Variants in ABI2 observed in about 807,000 individuals in gnomAD.
The protein encoded by ABI2 is abl interactor 2.
Under a neutral mutation model 59.2 loss-of-function variants are expected in ABI2, and 25 were observed. That is an observed-to-expected ratio of 0.42 (90% CI 0.31 to 0.59). ABI2 has a LOEUF of 0.59. Among genes scored for constraint, ABI2 ranks in the 20% least tolerant of loss-of-function variants. The probability of loss-of-function intolerance (pLI) is 0.14; values close to 1 mark genes in which losing one functional copy is unlikely to be tolerated. For missense variants in ABI2, 545 were observed against 681.8 expected (o/e 0.80, Z 2.23); for synonymous variants, 213 against 235.5 (o/e 0.90, Z 0.87).
chr2:203,344,630 T>C (rs2082082550), intron 1 of ABI2, among the ~76,000 whole-genome samples: 1 of 152,120 alleles, frequency 6.6e-6, no homozygotes, highest in East Asian at 1.9e-4. Context: ...TGGCATGATC[T>C]TTAGAGGTGA....
chr2:203,409,674 T>C (rs192210946), intron 9 of ABI2, among the ~76,000 whole-genome samples: 2 of 152,340 alleles, frequency 1.3e-5, no homozygotes, highest in Admixed American at 6.5e-5. Context: ...TTCTCTCCTT[T>C]TCTAGAAACT....
At chr2:203,417,461 A>G (rs2097947549) in intron 11 of ABI2, among the ~76,000 whole-genome samples, 1 of 152,260 alleles carries the variant, frequency 6.6e-6, no homozygotes, top group African/African-American at 2.4e-5. Context: ...ATGTCTCCAC[A>G]TGAAACTTTC....
chr2:203,358,111 G>T (rs867133243), intron 1 of ABI2, among the ~76,000 whole-genome samples: 16 of 109,344 alleles, frequency 1.5e-4, no homozygotes, highest in East Asian at 6.2e-4. Context: ...GTGTGTGTGT[G>T]TGTTTGTTTG....
intron 1 of ABI2, among the ~76,000 whole-genome samples, chr2:203,353,519 G>A (rs549976303): frequency 5.3e-5 from 8 of 152,130 alleles, no homozygotes; most frequent in East Asian, 1.9e-4. Flanking sequence ...TCGCTCTGTC[G>A]CCCAGACTGG....
intron 1 of ABI2, among the ~76,000 whole-genome samples, chr2:203,349,852 A>G (rs958448282): frequency 6.6e-6 from 1 of 152,118 alleles, no homozygotes; most frequent in African/African-American, 2.4e-5. Flanking sequence ...ATAACGTTAT[A>G]AATATTCATG....
intron 2 of ABI2, among the ~76,000 whole-genome samples, chr2:203,372,431 A>G (rs1206396903): frequency 1.1e-4 from 17 of 152,288 alleles, no homozygotes; most frequent in East Asian, 5.8e-4. Context: ...CCCGTTCTCA[A>G]TGAGCTGTTG....
intron 4 of ABI2, 73 bp downstream of exon 4, chr2:203,382,279 T>TCTC: frequency 2.4e-6 from 3 of 1,275,552 alleles, no homozygotes; most frequent in Non-Finnish European, 3.2e-6. Flanking sequence ...GTTAAAGAGA[T>TCTC]TGTTAACTCT....
chr2:203,417,110 T>G (rs1273492043), intron 11 of ABI2, 29 bp downstream of exon 11: 1 of 1,572,836 alleles, frequency 6.4e-7, no homozygotes. Context: ...TCTGGATAGA[T>G]GGGAAGAAAC....
intron 1 of ABI2, among the ~76,000 whole-genome samples, chr2:203,335,092 C>T (rs1043518120): frequency 2.6e-5 from 4 of 152,068 alleles, no homozygotes; most frequent in Admixed American, 6.6e-5. Flanking sequence ...CTTCCAGATA[C>T]GAAGCTCCTA....
rs114028612 is a variant in ABI2 at position 203,378,865 on chromosome 2, C to T, written c.286-1343C>T. Among the ~76,000 whole-genome samples, 1,133 of 152,052 alleles carry T rather than the reference C, an allele frequency of 7.5e-3. 9 individuals are homozygous for T. The highest frequency in any genetic ancestry group is 0.026 in the African/African-American group (1,069 of 41,494). ...GACACACAGGAAAAAATTTTTTTTA[C>T]GTTGTATTCAGCACATAATTCATGT... On this transcript the variant is annotated intron_variant, in intron 2 of 11. Transcript: ENST00000261018.
chr2:203,364,673 AC>A (rs2094131589), intron 1 of ABI2, among the ~76,000 whole-genome samples: 1 of 152,136 alleles, frequency 6.6e-6, no homozygotes, highest in Admixed American at 6.6e-5. Flanking sequence ...CTTATAGTTG[AC>A]TAGGATAGAA....
chr2:203,375,933 C>A, intron 2 of ABI2: 2 of 615,158 alleles, frequency 3.3e-6, no homozygotes, highest in Non-Finnish European at 5.4e-6. Flanking sequence ...TGCCCACAGG[C>A]AATACTGCAG....
intron 1 of ABI2, among the ~76,000 whole-genome samples, chr2:203,358,071 T>TTGTGTGTGTGTGTGTGTGTGTG (rs71007506): frequency 3.1e-5 from 4 of 128,776 alleles, no homozygotes; most frequent in African/African-American, 6.1e-5. Context: ...CCTGGCCTGT[T>TTGTGTGTGTGTGTGTGTGTGTG]TGTGTGTGTG....
chr2:203,333,182 A>T (rs1228859466), intron 1 of ABI2, among the ~76,000 whole-genome samples: 1 of 152,194 alleles, frequency 6.6e-6, no homozygotes, highest in Admixed American at 6.5e-5. Flanking sequence ...ATTAGAATAC[A>T]TGCTCATTGT....
At position 203,384,451 on chromosome 2, in the gene ABI2, T is replaced by C. The variant is rs149931275; in HGVS notation, c.480+2245T>C. Among the ~76,000 whole-genome samples, 96 of 152,090 alleles carry C rather than the reference T, an allele frequency of 6.3e-4. No individual in the cohort carries two copies. In the East Asian group the frequency reaches 0.017, roughly 27 times the overall value. On this transcript the variant is annotated intron_variant, in intron 4 of 11. Coordinates refer to ENST00000261018, the MANE Select transcript of ABI2 (RefSeq NM_001375670.1). ...CTTCCTGAGTAGTTGGTACTACATGTGTGCACCACCATGCCTGGCTATTTT... is the reference window on the plus strand; with the variant it reads ...CTTCCTGAGTAGTTGGTACTACATGCGTGCACCACCATGCCTGGCTATTTT...
At position 203,380,317 on chromosome 2, in the gene ABI2, G is replaced by A; in HGVS notation, c.395G>A (p.Arg132Gln). 4 of 1,607,452 alleles carry A rather than the reference G, an allele frequency of 2.5e-6. No individual in the cohort carries two copies. The highest frequency in any genetic ancestry group is 1.7e-4 in the Middle Eastern group (1 of 6,042). Residue 132 changes from arginine to glutamine, a missense_variant, in exon 3 of 12, where the codon CGA (arginine) becomes CAA (glutamine). By Grantham distance (43) the Arg-to-Gln change is conservative (BLOSUM62 1). Around this residue, in one of 4 missense-constraint regions of ABI2, gnomAD observed 410 missense variants for 435.6 expected, o/e 0.94. Coordinates refer to ENST00000261018, the MANE Select transcript of ABI2 (RefSeq NM_001375670.1). ...ATTATTGCTCCAGCCAACCTTGAAC[G>A]ACCAGTTCGTTATATTAGAAAACCT... ...HKIIAPANLERPVRYIRKPID... is the reference protein window; with the variant it reads ...HKIIAPANLEQPVRYIRKPID...
chr2:203,347,688 TG>T (rs2084580990), intron 1 of ABI2, among the ~76,000 whole-genome samples: 1 of 152,264 alleles, frequency 6.6e-6, no homozygotes, highest in Non-Finnish European at 1.5e-5. Context: ...AGGTTTATTC[TG>T]CACAGGCAAA....
intron 1 of ABI2, among the ~76,000 whole-genome samples, chr2:203,339,722 A>G (rs532400475): frequency 6.6e-6 from 1 of 152,202 alleles, no homozygotes; most frequent in Non-Finnish European, 1.5e-5. Context: ...CTGCACACCC[A>G]TGTTCATTTC....
At chr2:203,386,588 A>G (rs2096531564) in intron 4 of ABI2, 1 of 219,696 alleles carries the variant, frequency 4.6e-6, no homozygotes, top group Non-Finnish European at 7.6e-6. Flanking sequence ...AACATTCCGT[A>G]ACCTTCCCAC....
Sources: gnomAD v4.1 joint callset for allele counts (sites outside exome capture counted in the v4.1 genomes callset) on GRCh38, gnomAD v4.1.1 for gene constraint, gnomAD v4.1.1 regional missense constraint, MANE v1.5 for transcripts, NCBI Gene and HGNC (gene_info 2026-07-23, HGNC 2026-07-21) for gene names.